The following TRIM5 variants were observed in gnomAD, a reference collection of about 807,000 sequenced individuals.
The protein encoded by TRIM5 is tripartite motif containing 5.
A neutral mutation model predicts 35.6 loss-of-function variants in TRIM5; 31 were observed. The ratio of observed to expected loss-of-function variants is 0.87; its 90% CI spans 0.65 to 1.18. The LOEUF is 1.18. Ranked by LOEUF, TRIM5 falls within the 50% of genes most tolerant of loss-of-function variation. TRIM5 has a pLI of 0.00. For missense variants in TRIM5, 609 were observed against 591.6 expected, an observed-to-expected ratio of 1.03 and a Z score of -0.31; for synonymous variants, 243 against 215.6, an observed-to-expected ratio of 1.13 and a Z score of -1.11.
At chr11:5,671,910 G>C (rs993238108) in intron 4 of TRIM5, among the ~76,000 whole-genome samples, 3 of 151,824 alleles carry the variant, frequency 2.0e-5, no homozygotes, top group Admixed American at 2.0e-4. Context: ...ACTAATATGA[G>C]ACCCACATAT....
the TRIM5 span, among the ~76,000 whole-genome samples, chr11:5,606,010 A>G: frequency 6.6e-6 from 1 of 152,304 alleles, no homozygotes; most frequent in South Asian, 2.1e-4. Flanking sequence ...ATTTCTTCAG[A>G]CATTGCCACG....
chr11:5,634,814 T>C, the TRIM5 span: 1 of 1,613,692 alleles, frequency 6.2e-7, no homozygotes, highest in Non-Finnish European at 8.5e-7. Flanking sequence ...AGAGCTCATC[T>C]CAGATGTGGA....
chr11:5,635,278 C>A, the TRIM5 span, among the ~76,000 whole-genome samples: 3 of 133,360 alleles, frequency 2.2e-5, no homozygotes, highest in Admixed American at 7.9e-5. Context: ...TTTTTTGAGA[C>A]GGAGTCTCGC....
chr11:5,612,093 C>T, the TRIM5 span: 3 of 152,140 alleles, frequency 2.0e-5, no homozygotes. Context: ...TGCTGAAATA[C>T]ACCATTATTA....
chr11:5,598,793 TTCTG>T, the TRIM5 span, among the ~76,000 whole-genome samples: 2 of 152,206 alleles, frequency 1.3e-5, no homozygotes, highest in Non-Finnish European at 2.9e-5. Context: ...ATTTTTTTGT[TTCTG>T]TCAGTTTATT....
chr11:5,621,526 G>C, the TRIM5 span, among the ~76,000 whole-genome samples: 1 of 152,194 alleles, frequency 6.6e-6, no homozygotes. Context: ...CAGAAGCACA[G>C]CTCAGCTGAG....
the TRIM5 span, chr11:5,641,441 C>A: frequency 2.2e-6 from 2 of 917,942 alleles, no homozygotes; most frequent in Non-Finnish European, 3.0e-6. Context: ...AGGATGAGAG[C>A]TTTTACTGTC....
At chr11:5,635,222 A>G in the TRIM5 span, among the ~76,000 whole-genome samples, 1 of 151,636 alleles carries the variant, frequency 6.6e-6, no homozygotes, top group Admixed American at 6.6e-5. Flanking sequence ...AGTTTAAAAT[A>G]TGCTTATTTG....
chr11:5,681,087 TAGA>T (rs1852403955), intron 1 of TRIM5, among the ~76,000 whole-genome samples: 1 of 152,200 alleles, frequency 6.6e-6, no homozygotes, highest in Non-Finnish European at 1.5e-5. Flanking sequence ...CCTAAAGGTG[TAGA>T]CATGGTGTAG....
the TRIM5 span, chr11:5,603,395 T>C: frequency 6.2e-7 from 1 of 1,613,988 alleles, no homozygotes. Context: ...CCCCTGAGCA[T>C]AGACTGTGGC....
chr11:5,652,681 G>GT, the TRIM5 span, among the ~76,000 whole-genome samples: 5 of 152,034 alleles, frequency 3.3e-5, no homozygotes, highest in South Asian at 2.1e-4. Context: ...TTTTAGAATA[G>GT]TTTTTTTCTA....
At chr11:5,665,753 G>C (rs1851083721) in intron 6 of TRIM5, 71 bp from the exon 7 acceptor site, 1 of 1,475,458 alleles carries the variant, frequency 6.8e-7, no homozygotes, top group Non-Finnish European at 8.9e-7. Flanking sequence ...TTTCTCTCCA[G>C]ATTAGGGAAA....
intron 4 of TRIM5, among the ~76,000 whole-genome samples, chr11:5,677,770 A>G (rs1470687888): frequency 2.6e-5 from 4 of 152,240 alleles, no homozygotes; most frequent in Non-Finnish European, 4.4e-5. Flanking sequence ...AAGAAATGAT[A>G]GCAGTTATTT....
chr11:5,629,973 TGA>T, the TRIM5 span, among the ~76,000 whole-genome samples: 11 of 152,180 alleles, frequency 7.2e-5, no homozygotes, highest in Admixed American at 6.5e-5. Context: ...CCCAAAGTGC[TGA>T]GATTACAGGG....
the TRIM5 span, among the ~76,000 whole-genome samples, chr11:5,614,172 T>G: frequency 3.9e-5 from 6 of 152,150 alleles, no homozygotes; most frequent in African/African-American, 1.4e-4. Flanking sequence ...ACTCTAAAAA[T>G]ACATAATGGA....
At chr11:5,610,198 G>T in the TRIM5 span, 15 of 1,614,030 alleles carry the variant, frequency 9.3e-6, no homozygotes, top group Non-Finnish European at 1.2e-5. Context: ...AAGCTGAGAA[G>T]TATGTTCCGA....
Position 5,678,279 on chromosome 11 carries a change from C to G in TRIM5, c.669G>C (p.Gln223His), listed in dbSNP as rs1052529188. 7 of 1,614,060 alleles carry G rather than the reference C, an allele frequency of 4.3e-6. No individual in the cohort carries two copies. The African/African-American group carries it at 9.3e-5, about 22-fold the overall frequency. Residue 223 changes from glutamine to histidine, a missense_variant, in exon 4 of 8, where the codon CAG becomes CAC. By Grantham distance (24) the Gln-to-His change is conservative. Transcript: ENST00000380034. Reference sequence around the variant, plus strand: ...TGAGCTCTCTCAGGGACTGGGTCTGCTGCACCATCTCAGTTTCAGAGTTCG... The same window carrying G: ...TGAGCTCTCTCAGGGACTGGGTCTGGTGCACCATCTCAGTTTCAGAGTTCG... ...SLTNSETEMV[Q>H]QTQSLRELIS...
chr11:5,609,751 T>C, the TRIM5 span, among the ~76,000 whole-genome samples: 40 of 152,134 alleles, frequency 2.6e-4, no homozygotes, highest in African/African-American at 9.2e-4. Context: ...TGAAACCCTA[T>C]CTCTACTAAA....
rs1851250261 is a variant in TRIM5 at position 5,667,707 on chromosome 11, A to C, written c.749T>G (p.Val250Gly). Residue 250 changes from valine (V) to glycine (G), a missense_variant, in exon 5 of 8, where the codon GTG (valine) becomes GGG (glycine). Coordinates refer to ENST00000380034, the MANE Select transcript of TRIM5 (RefSeq NM_033034.3). ...QGSVMELLQG[V>G]DGVIKRTENV... ...CACATACCTTTTTATGACGCCATCC[A>C]CACCCTAGGAAGAAGAGAGAAAACA... 6.2e-7 allele frequency: 1 copy of C among 1,613,720 alleles called. No homozygotes were observed. The highest frequency in any genetic ancestry group is 8.5e-7 in the Non-Finnish European group (1 of 1,179,874).
Sources: gnomAD v4.1 joint callset for allele counts (sites outside exome capture counted in the v4.1 genomes callset) on GRCh38, gnomAD v4.1.1 for gene constraint, MANE v1.5 for transcripts, NCBI Gene and HGNC (gene_info 2026-07-23, HGNC 2026-07-21) for gene names.